The following MYO15A variants were observed in gnomAD, a reference collection of about 807,000 sequenced individuals.
MYO15A encodes myosin XVA.
A neutral mutation model predicts 394.6 loss-of-function variants in MYO15A; 308 were observed. That is an observed-to-expected ratio of 0.78 (90% confidence interval 0.71 to 0.86). The LOEUF (loss-of-function observed/expected upper bound fraction) is 0.86. Among genes scored for constraint, MYO15A ranks in the 40% least tolerant of loss-of-function variants. The probability of loss-of-function intolerance (pLI) is 0.00; values close to 1 mark genes in which losing one functional copy is unlikely to be tolerated. For missense variants in MYO15A, 4,606 were observed against 4,799.1 expected (o/e 0.96, Z 1.19); for synonymous variants, 1,957 against 2,003.8 (o/e 0.98, Z 0.62).
chr17:18,130,388 G>A (rs1390710890), intron 7 of MYO15A, among the ~76,000 whole-genome samples: 2 of 151,674 alleles, frequency 1.3e-5, no homozygotes, highest in African/African-American at 4.8e-5. Flanking sequence ...GAATTCTGGT[G>A]GCCTTCCTGT....
chr17:18,119,172 C>T lies in MYO15A; in HGVS notation c.372C>T (p.Ala124=). The part of the protein sequence containing the change: ...RRGYGRLRPR[A]RSLSKASTAI... ...GCTACGGCCGCCTGCGGCCGCGCGC[C>T]CGGTCACTCAGCAAAGCGTCCACGG... is the stretch of plus-strand genomic sequence containing the variant. The change falls in exon 2 of 66, where the codon GCC becomes GCT. Residue 124 remains alanine (A), a synonymous_variant. Coordinates refer to ENST00000647165, the MANE Select transcript of MYO15A (RefSeq NM_016239.4). The T allele has an allele frequency of 1.9e-6, 3 of 1,612,376 alleles. No individual in the cohort carries two copies. Among genetic ancestry groups the T allele is most frequent in the South Asian group, 1.1e-5 (1 of 91,076 alleles).
chr17:18,122,815 G>A (rs186132621), intron 2 of MYO15A: 10 of 186,666 alleles, frequency 5.4e-5, no homozygotes, highest in Admixed American at 5.3e-4. Context: ...CGCACATCCA[G>A]GTCTCTGCAG....
intron 42 of MYO15A, 78 bp downstream of exon 42, chr17:18,152,262 T>C (rs1441992289): frequency 7.2e-7 from 1 of 1,389,228 alleles, no homozygotes; most frequent in Non-Finnish European, 9.9e-7. Context: ...AGTGTGTCGG[T>C]GGAGTGTGTG....
chr17:18,119,147 G>A lies in MYO15A; in HGVS notation c.347G>A (p.Gly116Asp). Residue 116 changes from glycine to aspartate, a missense_variant, in exon 2 of 66, where the codon GGC (glycine) becomes GAC (aspartate). Transcript: ENST00000647165. ...GTGATCCGCTTCCCAGGCCGCCGTG[G>A]CTACGGCCGCCTGCGGCCGCGCGCC... Reference protein sequence around the residue: ...FMVIRFPGRRGYGRLRPRARS... With the variant: ...FMVIRFPGRRDYGRLRPRARS... 6.2e-7 allele frequency: 1 copy of A among 1,608,510 alleles called. No individual in the cohort carries two copies. Among genetic ancestry groups the A allele is most frequent in the Non-Finnish European group, 8.5e-7 (1 of 1,176,844 alleles).
Position 18,154,197 on chromosome 17 carries a change from T to C in MYO15A, c.8148+7T>C. The C allele has an allele frequency of 6.2e-7, 1 of 1,613,814 alleles. No individual in the cohort carries two copies. Among genetic ancestry groups the C allele is most frequent in the Non-Finnish European group, 8.5e-7 (1 of 1,179,976 alleles). Reference sequence around the variant, plus strand: ...TGACCTCCTGTTCCGGCAGGTGAGGTCCTGTCTCCCCTTTCTGCCTCAGTG... The same window carrying C: ...TGACCTCCTGTTCCGGCAGGTGAGGCCCTGTCTCCCCTTTCTGCCTCAGTG... On this transcript the variant is annotated splice_region_variant and intron_variant, in intron 44 of 65. Coordinates refer to ENST00000647165, the MANE Select transcript of MYO15A (RefSeq NM_016239.4).
Position 18,161,572 on chromosome 17 carries a change from T to C in MYO15A, c.9517+125T>C, listed in dbSNP as rs908602415. 2.3e-5 allele frequency: 32 copies of C among 1,388,630 alleles called. No individual in the cohort carries two copies. In the Admixed American group the frequency reaches 2.4e-4, roughly 10 times the overall value. The allele number at this position is 1,388,630 out of a possible 1,614,324, so 86.0% of individuals were successfully genotyped here. On this transcript the variant is annotated intron_variant, in intron 57 of 65. Transcript: ENST00000647165. ...ACAGGTGCTGAGCAATGTTTACCAATATTAATATACTCCCCAAACATTTGT... is the reference window on the plus strand; with the variant it reads ...ACAGGTGCTGAGCAATGTTTACCAACATTAATATACTCCCCAAACATTTGT...
chr17:18,138,000 G>T, intron 16 of MYO15A, 115 bp from the exon 17 acceptor site: 1 of 1,374,988 alleles, frequency 7.3e-7, no homozygotes, highest in Non-Finnish European at 9.8e-7. Context: ...TGTTCTGGGA[G>T]GTATGCAAGC....
At position 18,150,893 on chromosome 17, in the gene MYO15A, C is replaced by T; in HGVS notation, c.7453C>T (p.Leu2485=). Residue 2485 remains leucine, a synonymous_variant, in exon 38 of 66, where the codon CTG becomes TTG. Transcript: ENST00000647165. The surrounding 1 kb of genome is among the most constrained non-coding windows in gnomAD (Gnocchi z 4.4). ...CCAGCAGCAGCCCCTGAGTGCTGCCCTGAGATCCTTGCCCGCAGAGGTGAG... is the reference window on the plus strand; with the variant it reads ...CCAGCAGCAGCCCCTGAGTGCTGCCTTGAGATCCTTGCCCGCAGAGGTGAG... The part of the protein sequence containing the change: ...ALQQQPLSAA[L]RSLPAEKPPA... The T allele has an allele frequency of 3.7e-6, 6 of 1,600,416 alleles. No homozygotes were observed. Among genetic ancestry groups the T allele is most frequent in the Non-Finnish European group, 5.1e-6 (6 of 1,173,828 alleles).
chr17:18,136,883 G>A (rs1297487318), intron 15 of MYO15A, among the ~76,000 whole-genome samples, 197 bp downstream of exon 15: 1 of 152,224 alleles, frequency 6.6e-6, no homozygotes. Context: ...AAGGCCTCTG[G>A]GCCAGGCCCT....
chr17:18,154,582 G>T (rs894722000), intron 44 of MYO15A, 98 bp from the exon 45 acceptor site: 2 of 1,267,654 alleles, frequency 1.6e-6, no homozygotes, highest in African/African-American at 2.9e-5. Flanking sequence ...CTGCAAAATG[G>T]GACCCCTCCC....
Position 18,151,478 on chromosome 17 carries a change from G to A in MYO15A, c.7738G>A (p.Val2580Ile), listed in dbSNP as rs1233972529. 1 of 1,614,190 alleles carries A rather than the reference G, an allele frequency of 6.2e-7. No individual in the cohort carries two copies. Among genetic ancestry groups the A allele is most frequent in the Non-Finnish European group, 8.5e-7 (1 of 1,180,046 alleles). ...PQPTQQIKNI[V>I]RQYQQPFRGG... The stretch of plus-strand genomic sequence containing the variant: ...GCCCACACAGCAGATCAAGAATATT[G>A]TCAGGCAGTACCAGCAGCCGTTCCG... The change falls in exon 40 of 66, where the codon GTC becomes ATC. Residue 2580 changes from valine (V) to isoleucine (I), a missense_variant. This residue lies in a region of MYO15A where 2,776 missense variants were observed against 3,109.3 expected (regional missense o/e 0.89). Transcript: ENST00000647165.
In MYO15A at chr17:18,127,131, C is replaced by T. The variant is rs2046060662; in HGVS notation, c.3998C>T (p.Ala1333Val). ...EATKLILRYLAAMNQKREVMQ... is the reference protein window; with the variant it reads ...EATKLILRYLVAMNQKREVMQ... ...ACCAAGCTGATTCTGCGCTACCTGG[C>T]CGCCATGAACCAGAAACGGGAGGTC... The change falls in exon 7 of 66, where the codon GCC becomes GTC. Residue 1333 changes from alanine to valine, a missense_variant. Physicochemically the swap from Ala to Val is moderately conservative, Grantham distance 64. Coordinates refer to ENST00000647165, the MANE Select transcript of MYO15A (RefSeq NM_016239.4). 5.0e-6 allele frequency: 8 copies of T among 1,613,950 alleles called. No homozygotes were observed. The highest frequency in any genetic ancestry group is 6.8e-6 in the Non-Finnish European group (8 of 1,180,010).
At chr17:18,145,724 A>C (rs1222836075) in intron 29 of MYO15A, 148 bp from the exon 30 acceptor site, 4 of 687,154 alleles carry the variant, frequency 5.8e-6, no homozygotes, top group East Asian at 2.7e-5. Flanking sequence ...AAAATATTCT[A>C]TATATATAGC....
At chr17:18,158,807 CG>C in intron 52 of MYO15A, 117 bp from the exon 53 acceptor site, 1 of 1,411,722 alleles carries the variant, frequency 7.1e-7, no homozygotes. Context: ...TCTTCGTGAC[CG>C]GTAGACTGAT....
rs367795403 is a variant in MYO15A at position 18,139,532 on chromosome 17, A to G, written c.5134-2A>G. On this transcript the variant is annotated splice_acceptor_variant, in intron 18 of 65. Transcript: ENST00000647165. LOFTEE classifies it high-confidence loss of function. Reference sequence around the variant, plus strand: ...TACCCAGGCCATTGTTCCCCTTTTCAGGTGCACAAGTTCCTGGACAAGAAC... The same window carrying G: ...TACCCAGGCCATTGTTCCCCTTTTCGGGTGCACAAGTTCCTGGACAAGAAC... The G allele has an allele frequency of 3.1e-6, 5 of 1,613,702 alleles. No individual in the cohort carries two copies. The African/African-American group carries it at 5.3e-5, about 17-fold the overall frequency.
At position 18,151,421 on chromosome 17, in the gene MYO15A, T is replaced by A. The variant is rs1409250829; in HGVS notation, c.7681T>A (p.Tyr2561Asn). Reference protein sequence around the residue: ...TTSPSPELVRYSTLNSEHFPQ... With the variant: ...TTSPSPELVRNSTLNSEHFPQ... ...TTCACCCTCCCCAGAGCTGGTCCGG[T>A]ACTCTACGCTCAACTCTGAGCACTT... Residue 2561 changes from tyrosine (Y) to asparagine (N), a missense_variant, in exon 40 of 66, where the codon TAC becomes AAC. Transcript: ENST00000647165. The A allele has an allele frequency of 6.2e-7, 1 of 1,614,160 alleles. No homozygotes were observed. Among genetic ancestry groups the A allele is most frequent in the South Asian group, 1.1e-5 (1 of 91,082 alleles).
intron 4 of MYO15A, 56 bp downstream of exon 4, chr17:18,125,287 TG>T (rs2046012598): frequency 2.0e-6 from 3 of 1,508,508 alleles, no homozygotes; most frequent in Non-Finnish European, 9.2e-7. Flanking sequence ...AGCTGCCTCC[TG>T]GGGCCGGGTG....
At chr17:18,158,369 A>G (rs2142390537) in intron 51 of MYO15A, 154 bp from the exon 52 acceptor site, 1 of 653,750 alleles carries the variant, frequency 1.5e-6, no homozygotes, top group South Asian at 1.8e-5. Flanking sequence ...TGAAGGGGTA[A>G]GAACAACGGG....
Position 18,122,085 on chromosome 17 carries a change from G to T in MYO15A, c.3285G>T (p.Arg1095Ser). The T allele has an allele frequency of 6.2e-7, 1 of 1,612,806 alleles. No individual in the cohort carries two copies. The highest frequency in any genetic ancestry group is 8.5e-7 in the Non-Finnish European group (1 of 1,179,938). ...PQAAAPLAPI[R>S]APEPLPKGGE... is the part of the protein sequence containing the mutation. Reference sequence around the variant, plus strand: ...CCGCAGCCCCCTTGGCGCCCATCAGGGCCCCAGAGCCCCTGCCCAAGGGGG... The same window carrying T: ...CCGCAGCCCCCTTGGCGCCCATCAGTGCCCCAGAGCCCCTGCCCAAGGGGG... Residue 1095 changes from arginine to serine, a missense_variant, in exon 2 of 66, where the codon AGG becomes AGT. Around this residue, in one of 2 missense-constraint regions of MYO15A, gnomAD observed 1,830 missense variants for 1,689.7 expected, o/e 1.08. Coordinates refer to ENST00000647165, the MANE Select transcript of MYO15A (RefSeq NM_016239.4).
Sources: allele counts gnomAD v4.1 joint callset (sites outside exome capture counted in the v4.1 genomes callset), GRCh38; gene constraint gnomAD v4.1.1; regional missense constraint gnomAD v4.1.1; non-coding constraint Gnocchi (gnomAD v3.1); transcripts MANE v1.5; gene names NCBI Gene and HGNC (gene_info 2026-07-23, HGNC 2026-07-21).